Variants in RYR1 observed in about 807,000 individuals in gnomAD.
RYR1 encodes central core disease of muscle.
RYR1 carries 342 observed loss-of-function variants against 583.5 expected under a neutral mutation model. The ratio of observed to expected loss-of-function variants is 0.59; its 90% CI spans 0.54 to 0.64. The LOEUF (loss-of-function observed/expected upper bound fraction) is 0.64, where lower values mean the gene tolerates loss of function less well. Ranked by LOEUF, RYR1 falls within the 30% of genes least tolerant of loss-of-function variation. The pLI, the probability that RYR1 is intolerant of heterozygous loss-of-function variation, is 0.00. For missense variants in RYR1, 6,032 were observed against 6,917.2 expected (o/e 0.87, Z 4.54); for synonymous variants, 2,791 against 2,822.5 (o/e 0.99, Z 0.35).
intron 20 of RYR1, 36 bp downstream of exon 20, chr19:38,460,627 A>C (rs1450849502): frequency 1.9e-6 from 3 of 1,575,680 alleles, no homozygotes; most frequent in Non-Finnish European, 2.6e-6. Context: ...CTGGCGAGGC[A>C]GGGTCTCTTA....
chr19:38,546,411 C>CT, intron 87 of RYR1, 34 bp from the exon 88 acceptor site: 1 of 1,594,578 alleles, frequency 6.3e-7, no homozygotes. Flanking sequence ...GAGGTGTATG[C>CT]TGAGACCAGC....
chr19:38,558,103 G>GTT (rs1249160467), intron 89 of RYR1, among the ~76,000 whole-genome samples: 2 of 152,022 alleles, frequency 1.3e-5, no homozygotes, highest in Non-Finnish European at 2.9e-5. Context: ...GAGCCCAGGA[G>GTT]TTCAAGACCA....
At chr19:38,440,383 A>G (rs113863694) in intron 1 of RYR1, among the ~76,000 whole-genome samples, 2 of 152,336 alleles carry the variant, frequency 1.3e-5, no homozygotes, top group African/African-American at 2.4e-5. Flanking sequence ...TACTAAAAAT[A>G]TAAAAATTAG....
intron 90 of RYR1, among the ~76,000 whole-genome samples, chr19:38,563,879 C>T (rs1483705213): frequency 6.6e-6 from 1 of 152,214 alleles, no homozygotes; most frequent in Non-Finnish European, 1.5e-5. Context: ...TTGTCTGTGT[C>T]ACCTGGGCAT....
At chr19:38,557,929 G>C (rs1055495859) in intron 89 of RYR1, among the ~76,000 whole-genome samples, 6 of 151,906 alleles carry the variant, frequency 3.9e-5, no homozygotes, top group African/African-American at 7.3e-5. Flanking sequence ...GCAGTGAGCC[G>C]AGATTGCACC....
At chr19:38,462,884 C>T (rs1420566295) in intron 20 of RYR1, among the ~76,000 whole-genome samples, 1 of 122,634 alleles carries the variant, frequency 8.2e-6, no homozygotes, top group Non-Finnish European at 1.6e-5. Flanking sequence ...CCTTAATACT[C>T]TCTCTTCTTT....
chr19:38,538,055 G>A (rs1302551856), intron 84 of RYR1, 95 bp downstream of exon 84: 2 of 1,099,162 alleles, frequency 1.8e-6, no homozygotes, highest in Admixed American at 1.8e-5. Flanking sequence ...CTCCTCCCCC[G>A]GTCAATGATG....
At position 38,506,678 on chromosome 19, in the gene RYR1, G is replaced by A. The variant is rs777515990; in HGVS notation, c.8692+132G>A. The stretch of plus-strand genomic sequence containing the variant: ...ATAATAACAGCGTTTACCACCATGG[G>A]GTAATGAGATGAGCACCAGCAAGCA... On this transcript the variant is annotated intron_variant, in intron 56 of 105. Transcript: ENST00000359596. The A allele has an allele frequency of 9.7e-5, 143 of 1,474,738 alleles. No homozygotes were observed. Among genetic ancestry groups the A allele is most frequent in the Admixed American group, 1.5e-4 (8 of 52,424 alleles). The allele number at this position is 1,474,738 out of a possible 1,614,324, so 91.4% of individuals were successfully genotyped here.
Position 38,561,558 on chromosome 19 carries a change from A to T in RYR1, c.12624+104A>T, listed in dbSNP as rs1004088702. The T allele has an allele frequency of 1.8e-6, 2 of 1,121,404 alleles. No individual in the cohort carries two copies. The highest frequency in any genetic ancestry group is 3.1e-5 in the African/African-American group (2 of 65,140). The allele number at this position is 1,121,404 out of a possible 1,614,324, so 69.5% of individuals were successfully genotyped here. A position where few individuals can be genotyped will look rare whatever the true frequency, so the allele number is the denominator to read the frequency against. On this transcript the variant is annotated intron_variant, in intron 90 of 105. Coordinates refer to ENST00000359596, the MANE Select transcript of RYR1 (RefSeq NM_000540.3). The surrounding 1 kb of genome is among the most constrained non-coding windows in gnomAD (Gnocchi z 4.8). Reference sequence around the variant, plus strand: ...CCCACGGGGGCTGTGCGTGCCTCGCATATCTGCCCTGCTCCGGCAAGCCCA... The same window carrying T: ...CCCACGGGGGCTGTGCGTGCCTCGCTTATCTGCCCTGCTCCGGCAAGCCCA...
chr19:38,448,597 C>T lies in RYR1; in HGVS notation c.958-52C>T, dbSNP rs1966913316. 61 of 1,614,010 alleles carry T rather than the reference C, an allele frequency of 3.8e-5. 1 individual carries two copies. In the South Asian group the frequency reaches 6.3e-4, roughly 17 times the overall value. On this transcript the variant is annotated intron_variant, in intron 10 of 105. Transcript: ENST00000359596. ...CTCTGCAGTCCCTCAGGGGGGCTCCCCTGCTAAACACACAGGCAGAGGAGG... is the reference window on the plus strand; with the variant it reads ...CTCTGCAGTCCCTCAGGGGGGCTCCTCTGCTAAACACACAGGCAGAGGAGG...
intron 87 of RYR1, among the ~76,000 whole-genome samples, chr19:38,544,142 G>A (rs1825707539): frequency 6.6e-6 from 1 of 152,162 alleles, no homozygotes; most frequent in African/African-American, 2.4e-5. Context: ...CCCAATGGCC[G>A]GAGCTCCTCT....
rs752114603 is a variant in RYR1, at chr19:38,543,882, G to A, written c.12012+7G>A. 6.2e-7 allele frequency: 1 copy of A among 1,611,910 alleles called. No homozygotes were observed. The highest frequency in any genetic ancestry group is 8.5e-7 in the Non-Finnish European group (1 of 1,179,602). On this transcript the variant is annotated splice_region_variant and intron_variant, in intron 87 of 105. Transcript: ENST00000359596. The surrounding 1 kb of genome is among the most constrained non-coding windows in gnomAD (Gnocchi z 4.4). ...GATGATGAAGCTCGCTCAGGTTCGA[G>A]CCCCTCTGGTCTCCATCCACCTGCT...
chr19:38,470,315 G>A (rs1167532443), intron 27 of RYR1, among the ~76,000 whole-genome samples: 1 of 151,808 alleles, frequency 6.6e-6, no homozygotes, highest in African/African-American at 2.4e-5. Context: ...GCACATGCCT[G>A]GTGTCCCAGC....
At chr19:38,515,132 G>A in intron 64 of RYR1, 25 bp downstream of exon 64, 4 of 1,478,594 alleles carry the variant, frequency 2.7e-6, no homozygotes, top group Non-Finnish European at 3.8e-6. Context: ...CCATCGTTTG[G>A]GGCTGGGTGG....
Position 38,472,924 on chromosome 19 carries a change from A to G in RYR1, c.3766-453A>G, listed in dbSNP as rs149266118. Among the ~76,000 whole-genome samples, 62 of 151,294 alleles carry G rather than the reference A, an allele frequency of 4.1e-4. No homozygotes were observed. The East Asian group carries it at 8.9e-3, about 22-fold the overall frequency. On this transcript the variant is annotated intron_variant, in intron 27 of 105. Transcript: ENST00000359596. ...GCAAATTTTCAGGAGACTGAGACAC[A>G]AGAATCATTTGAACCCTGTAGGCAG... is the stretch of plus-strand genomic sequence containing the variant.
At chr19:38,542,166 C>T (rs12461789) in intron 84 of RYR1, among the ~76,000 whole-genome samples, 3,436 of 149,826 alleles carry the variant, frequency 0.023, 92 homozygotes, top group Admixed American at 0.073. Flanking sequence ...ATAGTAAGAA[C>T]GCAACAAATT....
At chr19:38,469,227 C>T in intron 26 of RYR1, 78 bp from the exon 27 acceptor site, 1 of 1,605,192 alleles carries the variant, frequency 6.2e-7, no homozygotes, top group Non-Finnish European at 8.5e-7. Flanking sequence ...CCAACTCTCC[C>T]ATCCCTACCT....
At chr19:38,579,340 G>A (rs546368423) in intron 99 of RYR1, among the ~76,000 whole-genome samples, 10 of 150,526 alleles carry the variant, frequency 6.6e-5, no homozygotes, top group Admixed American at 4.6e-4. Flanking sequence ...CAGGAGAATC[G>A]CTTGAACCCG....
chr19:38,536,605 T>C, intron 82 of RYR1, 145 bp from the exon 83 acceptor site: 1 of 932,660 alleles, frequency 1.1e-6, no homozygotes, highest in Non-Finnish European at 1.7e-6. Context: ...TCACTCTGCC[T>C]TTCTCTCTGT....
Sources: allele counts gnomAD v4.1 joint callset (sites outside exome capture counted in the v4.1 genomes callset), GRCh38; gene constraint gnomAD v4.1.1; non-coding constraint Gnocchi (gnomAD v3.1); transcripts MANE v1.5; gene names NCBI Gene and HGNC (gene_info 2026-07-23, HGNC 2026-07-21).